The following HDAC2 variants were observed in gnomAD, a reference collection of about 807,000 sequenced individuals.
HDAC2 encodes the protein histone deacetylase 2, also known as YY1-associated factor 1.
In HDAC2, 5 loss-of-function variants were observed where a neutral mutation model predicts 68.5. That is an observed-to-expected ratio of 0.07 (90% CI 0.04 to 0.15). The LOEUF (loss-of-function observed/expected upper bound fraction) is 0.15, where lower values mean the gene tolerates loss of function less well. Among genes scored for constraint, HDAC2 ranks in the 10% least tolerant of loss-of-function variants. The pLI, the probability that HDAC2 is intolerant of heterozygous loss-of-function variation, is 1.00. For synonymous variants in HDAC2, 182 were observed against 191.3 expected (o/e 0.95, Z 0.40); for missense variants, 291 against 600.8 (o/e 0.48, Z 5.39).
At chr6:113,961,928 TG>T (rs1776692431) in intron 1 of HDAC2, among the ~76,000 whole-genome samples, 1 of 152,184 alleles carries the variant, frequency 6.6e-6, no homozygotes, top group Non-Finnish European at 1.5e-5. Flanking sequence ...TCCATCTATC[TG>T]CCTCTGTGTA....
rs1021316219 is a variant in HDAC2, at chr6:113,940,059, G to A, written c.*999C>T. On this transcript the variant is annotated 3_prime_UTR_variant, in exon 14 of 14. Transcript: ENST00000519065. ...TTCTTTGCACATCTTAGTAGCAGGA[G>A]TTACCCCCATTTGTCTGCTTCCTGC... 1.3e-5 allele frequency: 2 copies of A among 152,162 alleles called. No individual in the cohort carries two copies. Among genetic ancestry groups the A allele is most frequent in the Admixed American group, 1.3e-4 (2 of 15,272 alleles). 9.4% of individuals were successfully genotyped at this position (152,162 alleles called of 1,614,324 possible). A position where few individuals can be genotyped will look rare whatever the true frequency, so the allele number is the denominator to read the frequency against.
intron 5 of HDAC2, among the ~76,000 whole-genome samples, 167 bp from the exon 6 acceptor site, chr6:113,953,585 G>C (rs1776472382): frequency 6.6e-6 from 1 of 152,118 alleles, no homozygotes; most frequent in African/African-American, 2.4e-5. Context: ...TTGAGCCTCA[G>C]GCCTTTAAAT....
rs138103224 is a variant in HDAC2, at chr6:113,962,256, T to C, written c.53-2238A>G. Reference sequence around the variant, plus strand: ...TGAGAAACAGACAAGTCAGGTATTATTGCCTAAGTCACATAGCCAGCAAGT... The same window carrying C: ...TGAGAAACAGACAAGTCAGGTATTACTGCCTAAGTCACATAGCCAGCAAGT... On this transcript the variant is annotated intron_variant, in intron 1 of 13. Transcript: ENST00000519065. 123 of 163,300 alleles carry C rather than the reference T, an allele frequency of 7.5e-4. 1 individual carries two copies. The East Asian group carries it at 0.021, about 28-fold the overall frequency. 10.1% of individuals were successfully genotyped at this position (163,300 alleles called of 1,614,324 possible).
intron 1 of HDAC2, among the ~76,000 whole-genome samples, chr6:113,962,148 C>T (rs1449045946): frequency 1.3e-5 from 2 of 151,056 alleles, no homozygotes; most frequent in Non-Finnish European, 2.9e-5. Context: ...CTATTAAGTA[C>T]TTCACATATC....
intron 6 of HDAC2, among the ~76,000 whole-genome samples, chr6:113,952,777 C>T (rs560143215): frequency 1.6e-4 from 25 of 152,182 alleles, no homozygotes; most frequent in African/African-American, 5.8e-4. Context: ...TGTTAACAGG[C>T]AGGCAAGGTT....
rs1244840540 is a variant in HDAC2 at position 113,956,746 on chromosome 6, C to G, written c.284-53G>C. ...AACACATTCTGCAAATTAATGAAAG[C>G]CTTTTCTTACAAAAACTATTTCCCA... On this transcript the variant is annotated intron_variant, in intron 3 of 13. Transcript: ENST00000519065. 8.5e-6 allele frequency: 11 copies of G among 1,295,746 alleles called. No homozygotes were observed. In the Admixed American group the frequency reaches 1.6e-4, roughly 18 times the overall value. The allele number at this position is 1,295,746 out of a possible 1,614,324, so 80.3% of individuals were successfully genotyped here. A position where few individuals can be genotyped will look rare whatever the true frequency, so the allele number is the denominator to read the frequency against.
intron 2 of HDAC2, among the ~76,000 whole-genome samples, chr6:113,959,072 T>A (rs1274429973): frequency 6.6e-6 from 1 of 152,090 alleles, no homozygotes; most frequent in Admixed American, 6.5e-5. Flanking sequence ...CTCTACTTTC[T>A]CTCCTTTTCC....
At chr6:113,947,776 G>T (rs1030519429) in intron 8 of HDAC2, 21 of 152,134 alleles carry the variant, frequency 1.4e-4, no homozygotes, top group African/African-American at 5.1e-4. Context: ...TAGAATAACA[G>T]ATTATACCAT....
intron 3 of HDAC2, among the ~76,000 whole-genome samples, chr6:113,958,021 A>G (rs1776597389): frequency 6.6e-6 from 1 of 152,250 alleles, no homozygotes; most frequent in East Asian, 1.9e-4. Context: ...ACCTACACTA[A>G]TTTAGTATAA....
At chr6:113,959,735 G>A (rs931811957) in intron 2 of HDAC2, 171 bp downstream of exon 2, 1 of 504,604 alleles carries the variant, frequency 2.0e-6, no homozygotes, top group Non-Finnish European at 3.5e-6. Flanking sequence ...AGAGGGTATA[G>A]CTCTCATTCT....
At chr6:113,962,258 G>T in intron 1 of HDAC2, 1 of 166,138 alleles carries the variant, frequency 6.0e-6, no homozygotes, top group Non-Finnish European at 1.2e-5. Context: ...AGGTATTATT[G>T]CCTAAGTCAC....
chr6:113,969,482 T>C (rs547441777), intron 1 of HDAC2, among the ~76,000 whole-genome samples: 37 of 152,356 alleles, frequency 2.4e-4, no homozygotes, highest in Admixed American at 6.5e-4. Context: ...TGATTTACAA[T>C]ACACCACATG....
Position 113,945,721 on chromosome 6 carries a change from A to T in HDAC2, c.983-251T>A, listed in dbSNP as rs1776250260. Among the ~76,000 whole-genome samples, 2 of 152,212 alleles carry T rather than the reference A, an allele frequency of 1.3e-5. 1 individual carries two copies. Among genetic ancestry groups the T allele is most frequent in the African/African-American group, 4.8e-5 (2 of 41,456 alleles). The stretch of plus-strand genomic sequence containing the variant: ...TTTCTGGCTTTTTTGTACCAACTTC[A>T]ATGTCTTGTATTCAGTACATTACAT... On this transcript the variant is annotated intron_variant, in intron 9 of 13. Coordinates refer to ENST00000519065, the MANE Select transcript of HDAC2 (RefSeq NM_001527.4).
At position 113,939,771 on chromosome 6, in the gene HDAC2, T is replaced by C. The variant is rs577184841; in HGVS notation, c.*1287A>G. ...TAAGAAAAAAACACCGAAGCAAATA[T>C]AGCAAAAGTAAAATATTTGTTAAGT... On this transcript the variant is annotated 3_prime_UTR_variant, in exon 14 of 14. Coordinates refer to ENST00000519065, the MANE Select transcript of HDAC2 (RefSeq NM_001527.4). The C allele has an allele frequency of 1.3e-5, 2 of 152,248 alleles. No individual in the cohort carries two copies. The highest frequency in any genetic ancestry group is 6.5e-5 in the Admixed American group (1 of 15,292). The allele number at this position is 152,248 out of a possible 1,614,324, so 9.4% of individuals were successfully genotyped here.
chr6:113,940,894 C>T lies in HDAC2; in HGVS notation c.*164G>A, dbSNP rs965018087. On this transcript the variant is annotated 3_prime_UTR_variant, in exon 14 of 14. Coordinates refer to ENST00000519065, the MANE Select transcript of HDAC2 (RefSeq NM_001527.4). Reference sequence around the variant, plus strand: ...TTTGCTTCATAATTAGAAAAACTCACAATAAAACTTGCCAAGAAAAACAAA... The same window carrying T: ...TTTGCTTCATAATTAGAAAAACTCATAATAAAACTTGCCAAGAAAAACAAA... 6.0e-6 allele frequency: 3 copies of T among 504,148 alleles called. No individual in the cohort carries two copies. Among genetic ancestry groups the T allele is most frequent in the Admixed American group, 3.8e-5 (1 of 26,532 alleles). 31.2% of individuals were successfully genotyped at this position (504,148 alleles called of 1,614,324 possible).
intron 10 of HDAC2, among the ~76,000 whole-genome samples, chr6:113,945,033 A>T (rs1218302506): frequency 6.6e-6 from 1 of 152,134 alleles, no homozygotes; most frequent in Non-Finnish European, 1.5e-5. Context: ...AATAAAAAAA[A>T]TTATTTCCAT....
At chr6:113,958,401 A>G (rs1776606026) in intron 3 of HDAC2, 2 of 331,288 alleles carry the variant, frequency 6.0e-6, no homozygotes, top group Non-Finnish European at 1.1e-5. Context: ...TATTAACCCA[A>G]AGTTATCAGG....
At chr6:113,970,408 G>C in intron 1 of HDAC2, 1 of 997,804 alleles carries the variant, frequency 1.0e-6, no homozygotes, top group East Asian at 1.0e-4. Flanking sequence ...GTAGAGTCAA[G>C]GCCGGGATAG....
chr6:113,959,767 C>T (rs930804289), intron 2 of HDAC2, 139 bp downstream of exon 2: 15 of 573,088 alleles, frequency 2.6e-5, no homozygotes, highest in South Asian at 4.6e-5. Context: ...TAAGAATAAA[C>T]GAAAAAAGAA....
Sources: gnomAD v4.1 joint callset for allele counts (sites outside exome capture counted in the v4.1 genomes callset) on GRCh38, gnomAD v4.1.1 for gene constraint, MANE v1.5 for transcripts, NCBI Gene and HGNC (gene_info 2026-07-23, HGNC 2026-07-21) for gene names.